Variants in PCBP3 observed in about 807,000 individuals in gnomAD.
PCBP3 encodes the protein poly(rC)-binding protein 3.
In PCBP3, 25 loss-of-function variants were observed where a neutral mutation model predicts 52.7. The observed-to-expected ratio is 0.47, with a 90% CI of 0.35 to 0.66. The LOEUF (loss-of-function observed/expected upper bound fraction) is 0.66. PCBP3 is among the 30% of genes least tolerant of loss of function. The probability of loss-of-function intolerance (pLI) is 0.01; values close to 1 mark genes in which losing one functional copy is unlikely to be tolerated. For synonymous variants in PCBP3, 162 were observed against 183.0 expected (o/e 0.89, Z 0.93); for missense variants, 391 against 490.3 (o/e 0.80, Z 1.91).
intron 4 of PCBP3, among the ~76,000 whole-genome samples, chr21:45,843,579 T>C (rs1251886852): frequency 6.6e-6 from 1 of 152,264 alleles, no homozygotes; most frequent in African/African-American, 2.4e-5. Flanking sequence ...CTACAAATTT[T>C]GGCATGCAAT....
At chr21:45,850,209 C>A in intron 5 of PCBP3, 114 bp downstream of exon 5, 1 of 857,832 alleles carries the variant, frequency 1.2e-6, no homozygotes, top group Non-Finnish European at 1.9e-6. Flanking sequence ...TGCTGTATTT[C>A]ACCCTGCTTC....
Position 45,821,828 on chromosome 21 carries a change from C to T in PCBP3, c.-125-28133C>T, listed in dbSNP as rs1448503025. Among the ~76,000 whole-genome samples the T allele has an allele frequency of 6.6e-6, 1 of 152,232 alleles. No homozygotes were observed. Among genetic ancestry groups the T allele is most frequent in the Non-Finnish European group, 1.5e-5 (1 of 68,046 alleles). ...GAGGCAGCAGAGCCCAGCCCTGGCC[C>T]TTCGAGCTTCCGTCCTGCAAGCACC... On this transcript the variant is annotated intron_variant, in intron 4 of 17. Transcript: ENST00000681687. This position sits in a 1 kb window ranked among gnomAD's most constrained non-coding sequence, Gnocchi z 4.4.
chr21:45,797,932 C>A (rs1314562880), intron 4 of PCBP3, among the ~76,000 whole-genome samples: 187 of 2,758 alleles, frequency 0.068, no homozygotes, highest in Middle Eastern at 0.33. Context: ...GAATGGATGC[C>A]TACATGGATG....
chr21:45,883,315 G>A (rs1374335022), intron 5 of PCBP3, among the ~76,000 whole-genome samples: 7 of 152,172 alleles, frequency 4.6e-5, no homozygotes, highest in African/African-American at 1.7e-4. Flanking sequence ...CAAGGGTATG[G>A]TCTATCCTGG....
chr21:45,649,416 TG>T (rs2079534903), intron 1 of PCBP3, among the ~76,000 whole-genome samples: 1 of 152,248 alleles, frequency 6.6e-6, no homozygotes, highest in African/African-American at 2.4e-5. Flanking sequence ...TTTAAATATT[TG>T]CTTTTTATAG....
intron 4 of PCBP3, among the ~76,000 whole-genome samples, chr21:45,796,833 T>C (rs2091943969): frequency 6.6e-6 from 1 of 152,240 alleles, no homozygotes; most frequent in Non-Finnish European, 1.5e-5. Context: ...GGGGTTTGAA[T>C]TGTGTGAAAT....
chr21:45,786,100 C>G (rs1352148686), intron 4 of PCBP3, among the ~76,000 whole-genome samples: 1 of 147,118 alleles, frequency 6.8e-6, no homozygotes, highest in African/African-American at 2.6e-5. Context: ...CCAAATCCCC[C>G]TCTGCGAGAA....
intron 2 of PCBP3, among the ~76,000 whole-genome samples, chr21:45,722,666 T>A (rs2084737554): frequency 6.6e-6 from 1 of 152,122 alleles, no homozygotes; most frequent in South Asian, 2.1e-4. Context: ...TACTACACTT[T>A]CTTAGCAAAA....
chr21:45,940,864 G>C (rs379493), intron 17 of PCBP3, among the ~76,000 whole-genome samples: 46,232 of 140,998 alleles, frequency 0.33, 7,562 homozygotes, highest in African/African-American at 0.47. Flanking sequence ...AGGAACATCC[G>C]TCCTCTCTCC....
chr21:45,845,747 G>T (rs1206842329), intron 4 of PCBP3, among the ~76,000 whole-genome samples: 1 of 152,284 alleles, frequency 6.6e-6, no homozygotes, highest in East Asian at 1.9e-4. Flanking sequence ...GTGTATGCAT[G>T]TGTGTAGTTT....
At chr21:45,845,866 C>G (rs975654816) in intron 4 of PCBP3, among the ~76,000 whole-genome samples, 11 of 152,368 alleles carry the variant, frequency 7.2e-5, no homozygotes, top group African/African-American at 2.6e-4. Flanking sequence ...TCAGCATGTT[C>G]AGCAAGATGT....
chr21:45,887,447 C>G (rs2095549243), intron 5 of PCBP3, among the ~76,000 whole-genome samples: 1 of 152,208 alleles, frequency 6.6e-6, no homozygotes, highest in African/African-American at 2.4e-5. Flanking sequence ...ATCAGTCCTT[C>G]CATCTGTAAG....
At chr21:45,815,963 T>G (rs1603442413) in intron 4 of PCBP3, among the ~76,000 whole-genome samples, 2 of 57,716 alleles carry the variant, frequency 3.5e-5, no homozygotes, top group Non-Finnish European at 6.6e-5. Context: ...GAGTGGTGAG[T>G]AGTGAGTGAT....
chr21:45,884,191 C>T (rs1190465816), intron 5 of PCBP3, among the ~76,000 whole-genome samples: 1 of 151,936 alleles, frequency 6.6e-6, no homozygotes. Flanking sequence ...CCACCTTGAC[C>T]GCCCAAAGTG....
rs548272279 is a variant in PCBP3, at chr21:45,826,926, G to A, written c.-125-23035G>A. On this transcript the variant is annotated intron_variant, in intron 4 of 17. Transcript: ENST00000681687. ...TCCCCCGAGTCAGGAAAGGCCAAGT[G>A]GAGAGTTGAGGCTTCTGCTTGTACC... Among the ~76,000 whole-genome samples, 7 of 152,216 alleles carry A rather than the reference G, an allele frequency of 4.6e-5. 1 individual carries two copies. The East Asian group carries it at 7.8e-4, about 17-fold the overall frequency.
intron 4 of PCBP3, among the ~76,000 whole-genome samples, chr21:45,803,624 G>A (rs1200599556): frequency 2.6e-5 from 4 of 152,200 alleles, no homozygotes; most frequent in Non-Finnish European, 5.9e-5. Context: ...GGGCAGGAAG[G>A]TGTGCTGAGC....
At chr21:45,871,130 C>T in intron 5 of PCBP3, 2 of 184,354 alleles carry the variant, frequency 1.1e-5, no homozygotes, top group Non-Finnish European at 1.1e-5. Context: ...GAAGGCCGTG[C>T]AGCCCAGTGC....
In PCBP3 at chr21:45,805,589, G is replaced by A. The variant is rs1345681056; in HGVS notation, c.-125-44372G>A. Among the ~76,000 whole-genome samples, 1 of 152,204 alleles carries A rather than the reference G, an allele frequency of 6.6e-6. No homozygotes were observed. On this transcript the variant is annotated intron_variant, in intron 4 of 17. Transcript: ENST00000681687. The surrounding 1 kb of genome is among the most constrained non-coding windows in gnomAD (Gnocchi z 4.6). ...CATACAGGTGCCTAAAATCGAGCTAGGGGACCTTGAAGATAATGCTTCCTG... is the reference window on the plus strand; with the variant it reads ...CATACAGGTGCCTAAAATCGAGCTAAGGGACCTTGAAGATAATGCTTCCTG...
intron 5 of PCBP3, among the ~76,000 whole-genome samples, chr21:45,854,536 T>C (rs572484741): frequency 6.6e-6 from 1 of 152,198 alleles, no homozygotes; most frequent in Non-Finnish European, 1.5e-5. Context: ...CTGGCTTCTT[T>C]CTTTTAGTCT....
Sources: gnomAD v4.1 joint callset for allele counts (sites outside exome capture counted in the v4.1 genomes callset) on GRCh38, gnomAD v4.1.1 for gene constraint, Gnocchi (gnomAD v3.1) non-coding constraint, MANE v1.5 for transcripts, NCBI Gene and HGNC (gene_info 2026-07-23, HGNC 2026-07-21) for gene names.